Variants in NYAP2 observed in about 807,000 individuals in gnomAD.
The protein encoded by NYAP2 is neuronal tyrosine-phosphorylated phosphoinositide-3-kinase adaptor 2.
A neutral mutation model predicts 50.4 loss-of-function variants in NYAP2; 23 were observed. The ratio of observed to expected loss-of-function variants is 0.46; its 90% CI spans 0.33 to 0.65. The LOEUF (loss-of-function observed/expected upper bound fraction) is 0.65. Among genes scored for constraint, NYAP2 ranks in the 30% least tolerant of loss-of-function variants. The pLI is 0.02. For synonymous variants in NYAP2, 394 were observed against 365.2 expected, an observed-to-expected ratio of 1.08 and a Z score of -0.90; for missense variants, 885 against 861.0, an observed-to-expected ratio of 1.03 and a Z score of -0.35.
At chr2:225,496,094 G>GA (rs1285672338) in intron 3 of NYAP2, among the ~76,000 whole-genome samples, 2 of 152,172 alleles carry the variant, frequency 1.3e-5, no homozygotes, top group African/African-American at 4.8e-5. Flanking sequence ...CAGCAATTGA[G>GA]AAACACAGAA....
rs190953001 is a variant in NYAP2 at position 225,594,196 on chromosome 2, T to C, written c.1618+11161T>C. On this transcript the variant is annotated intron_variant, in intron 5 of 6. Transcript: ENST00000636099. Reference sequence around the variant, plus strand: ...AAGCAATTTCAATCTGCTTAACTTATGCATTATTGATCAAAAATTGTAAAG... The same window carrying C: ...AAGCAATTTCAATCTGCTTAACTTACGCATTATTGATCAAAAATTGTAAAG... 4.8e-3 allele frequency among the ~76,000 whole-genome samples: 727 copies of C among 152,322 alleles called. 9 individuals carry two copies. The highest frequency in any genetic ancestry group is 0.017 in the African/African-American group (688 of 41,576).
intron 4 of NYAP2, among the ~76,000 whole-genome samples, chr2:225,561,721 A>G (rs1236908976): frequency 6.6e-6 from 1 of 152,128 alleles, no homozygotes. Flanking sequence ...CAATTCACCC[A>G]GATAGTTGCA....
At chr2:225,409,571 A>G (rs139633118) in intron 3 of NYAP2, among the ~76,000 whole-genome samples, 347 of 152,142 alleles carry the variant, frequency 2.3e-3, no homozygotes, top group African/African-American at 7.8e-3. Context: ...TAGAATCCTC[A>G]GGGTGTGCTC....
chr2:225,461,385 G>A (rs552267891), intron 3 of NYAP2, among the ~76,000 whole-genome samples: 2 of 152,348 alleles, frequency 1.3e-5, no homozygotes, highest in African/African-American at 4.8e-5. Flanking sequence ...TTGTAAAGTG[G>A]CAGTTGAACA....
chr2:225,586,940 G>A (rs548494719), intron 5 of NYAP2, among the ~76,000 whole-genome samples: 1 of 152,298 alleles, frequency 6.6e-6, no homozygotes, highest in African/African-American at 2.4e-5. Context: ...CCACATGGCT[G>A]GGGAGGCCTC....
intron 3 of NYAP2, among the ~76,000 whole-genome samples, chr2:225,420,580 G>T (rs1695198039): frequency 6.7e-6 from 1 of 149,476 alleles, no homozygotes; most frequent in South Asian, 2.1e-4. Flanking sequence ...CACAGGGAAA[G>T]AGGAGTTCTT....
the NYAP2 span, among the ~76,000 whole-genome samples, chr2:225,676,423 C>T: frequency 2.6e-5 from 4 of 151,914 alleles, no homozygotes; most frequent in African/African-American, 9.7e-5. Context: ...TCTCCATTGC[C>T]TATTTTTGTT....
intron 6 of NYAP2, among the ~76,000 whole-genome samples, chr2:225,640,310 G>C (rs903684518): frequency 3.9e-5 from 6 of 152,168 alleles, no homozygotes; most frequent in African/African-American, 1.4e-4. Flanking sequence ...TAATTATTGA[G>C]CACCTGAGCA....
At chr2:225,398,844 A>G (rs1517493), upstream of NYAP2, among the ~76,000 whole-genome samples, 126,007 of 151,970 alleles carry the variant, frequency 0.83, 52,796 homozygotes, top group African/African-American at 0.93. Context: ...AATGCACTTC[A>G]GGACATGTAA....
At chr2:225,426,644 T>C (rs891555850) in intron 3 of NYAP2, among the ~76,000 whole-genome samples, 20 of 152,208 alleles carry the variant, frequency 1.3e-4, no homozygotes, top group Admixed American at 1.2e-3. Context: ...CTTAAAGCCA[T>C]AAATCCCCAA....
chr2:225,486,536 C>T (rs1284419352), intron 3 of NYAP2, among the ~76,000 whole-genome samples: 1 of 152,216 alleles, frequency 6.6e-6, no homozygotes, highest in East Asian at 1.9e-4. Context: ...ATTAGGTACA[C>T]TTGATCTCTG....
intron 4 of NYAP2, among the ~76,000 whole-genome samples, chr2:225,558,846 G>T (rs1423525692): frequency 6.6e-6 from 1 of 152,018 alleles, no homozygotes; most frequent in Non-Finnish European, 1.5e-5. Flanking sequence ...TCTGGGAAAG[G>T]GCAAGAAGAA....
rs114047317 is a variant in NYAP2 at position 225,446,087 on chromosome 2, A to G, written c.221+36986A>G. 8.4e-3 allele frequency among the ~76,000 whole-genome samples: 1,281 copies of G among 151,860 alleles called. 18 individuals are homozygous for G. Among genetic ancestry groups the G allele is most frequent in the African/African-American group, 0.029 (1,204 of 41,442 alleles). On this transcript the variant is annotated intron_variant, in intron 3 of 6. Coordinates refer to ENST00000636099, the Ensembl canonical transcript of NYAP2. The stretch of plus-strand genomic sequence containing the variant: ...TCTCAGCTACTCTGGAGGCTAAGGC[A>G]GGAGAACCATTCGAACCCGGGAGGC...
intron 4 of NYAP2, among the ~76,000 whole-genome samples, chr2:225,565,310 T>C (rs1691943262): frequency 1.3e-5 from 2 of 152,134 alleles, no homozygotes; most frequent in African/African-American, 4.8e-5. Flanking sequence ...AAAATGGTAA[T>C]ATCCCAAAAG....
the NYAP2 span, among the ~76,000 whole-genome samples, chr2:225,678,104 G>T: frequency 1.3e-5 from 2 of 151,832 alleles, no homozygotes; most frequent in Non-Finnish European, 2.9e-5. Flanking sequence ...ACTTCTTATT[G>T]GTCTATTCAG....
chr2:225,655,909 C>CACACACACACACACACACACAT (rs1559242687), downstream of NYAP2, among the ~76,000 whole-genome samples: 21 of 146,328 alleles, frequency 1.4e-4, no homozygotes, highest in African/African-American at 5.3e-4. Flanking sequence ...CACACACACA[C>CACACACACACACACACACACAT]ACACACACAC....
intron 3 of NYAP2, among the ~76,000 whole-genome samples, chr2:225,418,202 TG>T (rs1347190663): frequency 6.6e-6 from 1 of 152,062 alleles, no homozygotes; most frequent in Non-Finnish European, 1.5e-5. Flanking sequence ...AAGGTCGTAA[TG>T]GGGAGCATTC....
chr2:225,478,342 G>GTC (rs144888771), intron 3 of NYAP2, among the ~76,000 whole-genome samples: 2,146 of 151,564 alleles, frequency 0.014, 54 homozygotes, highest in Middle Eastern at 0.058. Context: ...GAAGAAGCCA[G>GTC]TCTCTCTCTC....
chr2:225,479,600 A>G (rs139621332), intron 3 of NYAP2, among the ~76,000 whole-genome samples: 169 of 152,200 alleles, frequency 1.1e-3, no homozygotes, highest in African/African-American at 3.9e-3. Flanking sequence ...GCATTTTTGA[A>G]TCGGTTCCAA....
Sources: gnomAD v4.1 joint callset for allele counts (sites outside exome capture counted in the v4.1 genomes callset) on GRCh38, gnomAD v4.1.1 for gene constraint, MANE v1.5 for transcripts, NCBI Gene and HGNC (gene_info 2026-07-23, HGNC 2026-07-21) for gene names.